RASSF8: variants seen among roughly 807,000 people sequenced by gnomAD.
The protein encoded by RASSF8 is ras association domain-containing protein 8.
A neutral mutation model predicts 48.5 loss-of-function variants in RASSF8; 22 were observed. That is an observed-to-expected ratio of 0.45 (90% CI 0.32 to 0.65). The LOEUF (loss-of-function observed/expected upper bound fraction) is 0.65, where lower values mean the gene tolerates loss of function less well. Ranked by LOEUF, RASSF8 falls within the 30% of genes least tolerant of loss-of-function variation. RASSF8 has a pLI of 0.03. For missense variants in RASSF8, 418 were observed against 489.2 expected (o/e 0.85, Z 1.37); for synonymous variants, 127 against 171.5 (o/e 0.74, Z 2.03).
intron 4 of RASSF8, among the ~76,000 whole-genome samples, chr12:26,066,753 A>G (rs1943884333): frequency 6.6e-6 from 1 of 152,186 alleles, no homozygotes; most frequent in Non-Finnish European, 1.5e-5. Context: ...ATTCACTTCT[A>G]ATCTCTTCCC....
At chr12:25,997,364 A>G (rs892859688) in intron 2 of RASSF8, among the ~76,000 whole-genome samples, 3 of 152,152 alleles carry the variant, frequency 2.0e-5, no homozygotes, top group African/African-American at 7.2e-5. Context: ...AATTTTCCAT[A>G]CTTTCTGGAA....
chr12:26,079,886 C>A (rs1439896382), exon 6 of RASSF8: 1 of 152,026 alleles, frequency 6.6e-6, no homozygotes, highest in Non-Finnish European at 1.5e-5. Flanking sequence ...TATCATACAA[C>A]CCAGCAGTCC....
In RASSF8 at chr12:26,069,594, G is replaced by T; in HGVS notation, c.*776G>T. On this transcript the variant is annotated 3_prime_UTR_variant, in exon 6 of 6. Transcript: ENST00000689635. Reference sequence around the variant, plus strand: ...AATTGGTAAGTATGTATCCAAACAGGCATGGGGTTTCCTGATACATTATGT... The same window carrying T: ...AATTGGTAAGTATGTATCCAAACAGTCATGGGGTTTCCTGATACATTATGT... The T allele has an allele frequency of 1.0e-6, 1 of 985,410 alleles. No homozygotes were observed. Among genetic ancestry groups the T allele is most frequent in the Non-Finnish European group, 1.2e-6 (1 of 829,916 alleles). The allele number at this position is 985,410 out of a possible 1,614,324, so 61.0% of individuals were successfully genotyped here.
chr12:25,980,685 G>A (rs906339089), intron 1 of RASSF8, among the ~76,000 whole-genome samples: 4 of 152,114 alleles, frequency 2.6e-5, no homozygotes, highest in Admixed American at 2.0e-4. Context: ...CCTATGAGAA[G>A]GGATTTCAGC....
chr12:26,069,398 A>G lies in RASSF8; in HGVS notation c.*580A>G. 4 of 985,154 alleles carry G rather than the reference A, an allele frequency of 4.1e-6. No individual in the cohort carries two copies. The highest frequency in any genetic ancestry group is 3.6e-6 in the Non-Finnish European group (3 of 829,674). 61.0% of individuals were successfully genotyped at this position (985,154 alleles called of 1,614,324 possible). ...TTTGTTTTGTGAAACTGTCCTAGCC[A>G]TTGCTTAATTAGGTGAAATAATTCA... is the stretch of plus-strand genomic sequence containing the variant. On this transcript the variant is annotated 3_prime_UTR_variant, in exon 6 of 6. Coordinates refer to ENST00000689635, the MANE Select transcript of RASSF8 (RefSeq NM_001394098.1).
At chr12:26,010,954 A>G (rs556286871) in intron 2 of RASSF8, among the ~76,000 whole-genome samples, 1 of 152,230 alleles carries the variant, frequency 6.6e-6, no homozygotes, top group Admixed American at 6.5e-5. Context: ...TAAGTGTTGT[A>G]AGGGCCCTCA....
chr12:26,056,687 C>A (rs1175827939), intron 3 of RASSF8, among the ~76,000 whole-genome samples: 1 of 152,204 alleles, frequency 6.6e-6, no homozygotes, highest in African/African-American at 2.4e-5. Context: ...ATATTGACAT[C>A]TTTTGATTTT....
At chr12:25,981,114 T>C (rs577298759) in intron 1 of RASSF8, among the ~76,000 whole-genome samples, 4 of 152,276 alleles carry the variant, frequency 2.6e-5, no homozygotes, top group African/African-American at 9.6e-5. Context: ...TCTGGCATAA[T>C]AACAGGACCT....
chr12:26,055,505 G>A, intron 3 of RASSF8, 59 bp downstream of exon 3: 1 of 1,384,600 alleles, frequency 7.2e-7, no homozygotes, highest in Non-Finnish European at 1.0e-6. Flanking sequence ...CGTTGTATGT[G>A]TTTGTTTTAA....
intron 1 of RASSF8, among the ~76,000 whole-genome samples, chr12:25,965,124 A>G (rs768306831): frequency 1.3e-5 from 2 of 151,602 alleles, no homozygotes; most frequent in Non-Finnish European, 2.9e-5. Flanking sequence ...TTACATTTTT[A>G]TTAGAGACAG....
intron 3 of RASSF8, among the ~76,000 whole-genome samples, chr12:26,061,324 G>A (rs1332788079): frequency 6.6e-6 from 1 of 151,978 alleles, no homozygotes; most frequent in Non-Finnish European, 1.5e-5. Context: ...CTGTTATCCT[G>A]TTTTCTTTTA....
Position 26,064,484 on chromosome 12 carries a change from C to T in RASSF8, c.104-14C>T, listed in dbSNP as rs1591816748. 1 of 1,511,138 alleles carries T rather than the reference C, an allele frequency of 6.6e-7. No individual in the cohort carries two copies. Among genetic ancestry groups the T allele is most frequent in the Middle Eastern group, 1.9e-4 (1 of 5,196 alleles). The allele number at this position is 1,511,138 out of a possible 1,614,324, so 93.6% of individuals were successfully genotyped here. On this transcript the variant is annotated splice_polypyrimidine_tract_variant and intron_variant, in intron 3 of 5. Coordinates refer to ENST00000689635, the MANE Select transcript of RASSF8 (RefSeq NM_001394098.1). ...ATCCCATTTTGACAAGTTATTCTTA[C>T]CTTTTTTACATAGGTCGAACTGGAA...
chr12:26,024,767 T>C (rs533265406), intron 2 of RASSF8, among the ~76,000 whole-genome samples: 1 of 151,930 alleles, frequency 6.6e-6, no homozygotes, highest in East Asian at 1.9e-4. Flanking sequence ...CCATCCTGGC[T>C]AACATGGTGA....
intron 1 of RASSF8, among the ~76,000 whole-genome samples, chr12:25,988,231 T>C (rs148679150): frequency 0.019 from 2,923 of 152,282 alleles, 37 homozygotes; most frequent in Non-Finnish European, 0.031. Context: ...GTAGGCTCTT[T>C]TTAAAATAAG....
chr12:25,977,304 G>C (rs1288227222), intron 1 of RASSF8, among the ~76,000 whole-genome samples: 1 of 152,096 alleles, frequency 6.6e-6, no homozygotes, highest in East Asian at 1.9e-4. Context: ...TCCTTGTTGG[G>C]CTGTGACTTA....
chr12:25,997,457 G>T (rs1325410985), intron 2 of RASSF8, among the ~76,000 whole-genome samples: 1 of 152,046 alleles, frequency 6.6e-6, no homozygotes, highest in African/African-American at 2.4e-5. Context: ...ATTTTAAAGG[G>T]TGTGTGTATG....
chr12:26,039,731 T>C (rs1455720607), intron 2 of RASSF8, among the ~76,000 whole-genome samples: 1 of 152,248 alleles, frequency 6.6e-6, no homozygotes. Flanking sequence ...GTTTTTGCCA[T>C]GTTTCTTCTG....
chr12:25,962,893 G>A (rs910073890), intron 1 of RASSF8, among the ~76,000 whole-genome samples: 1 of 152,106 alleles, frequency 6.6e-6, no homozygotes, highest in Non-Finnish European at 1.5e-5. Flanking sequence ...TGAAATATTC[G>A]TAGTAATAAA....
chr12:26,072,495 CAGAA>C lies in RASSF8; in HGVS notation c.*3679_*3682del. The C allele has an allele frequency of 1.0e-6, 1 of 966,062 alleles. No homozygotes were observed. The highest frequency in any genetic ancestry group is 1.2e-6 in the Non-Finnish European group (1 of 812,618). 59.8% of individuals were successfully genotyped at this position (966,062 alleles called of 1,614,324 possible). ...TCGTATACTAATTATATTAAACCAG[CAGAA>C]ATATAAAGGCAATAAAGTATATACA... On this transcript the variant is annotated 3_prime_UTR_variant, in exon 6 of 6. Coordinates refer to ENST00000689635, the MANE Select transcript of RASSF8 (RefSeq NM_001394098.1).
Sources: allele counts gnomAD v4.1 joint callset (sites outside exome capture counted in the v4.1 genomes callset), GRCh38; gene constraint gnomAD v4.1.1; transcripts MANE v1.5; gene names NCBI Gene and HGNC (gene_info 2026-07-23, HGNC 2026-07-21).